VAV3: variants seen among roughly 807,000 people sequenced by gnomAD.
The protein encoded by VAV3 is guanine nucleotide exchange factor VAV3.
VAV3 carries 94 observed loss-of-function variants against 131.2 expected under a neutral mutation model. The observed-to-expected ratio is 0.72, with a 90% CI of 0.61 to 0.85. VAV3 has a LOEUF of 0.85. Among genes scored for constraint, VAV3 ranks in the 40% least tolerant of loss-of-function variants. The pLI, the probability that VAV3 is intolerant of heterozygous loss-of-function variation, is 0.00. For synonymous variants in VAV3, 349 were observed against 342.0 expected, an observed-to-expected ratio of 1.02 and a Z score of -0.22; for missense variants, 939 against 1,002.7, an observed-to-expected ratio of 0.94 and a Z score of 0.86.
At chr1:107,635,027 G>A (rs1654809339) in intron 20 of VAV3, among the ~76,000 whole-genome samples, 1 of 151,930 alleles carries the variant, frequency 6.6e-6, no homozygotes, top group East Asian at 1.9e-4. Flanking sequence ...TGGTGGGACT[G>A]TAAACTAGTT....
Position 107,575,762 on chromosome 1 carries a change from A to C in VAV3, c.2351-1564T>G, listed in dbSNP as rs1001100661. Among the ~76,000 whole-genome samples, 3 of 152,308 alleles carry C rather than the reference A, an allele frequency of 2.0e-5. No homozygotes were observed. The East Asian group carries it at 5.8e-4, about 29-fold the overall frequency. On this transcript the variant is annotated intron_variant, in intron 25 of 26. Coordinates refer to ENST00000370056, the MANE Select transcript of VAV3 (RefSeq NM_006113.5). ...ACTAGATGACTTCTAAGTTTTTTCT[A>C]GTTTTAAATTCTATGATTTTTATTG...
intron 10 of VAV3, among the ~76,000 whole-genome samples, chr1:107,757,956 C>T (rs1393743793): frequency 1.3e-5 from 2 of 152,124 alleles, no homozygotes; most frequent in Non-Finnish European, 1.5e-5. Context: ...TGTATGTGCT[C>T]AACCCAAAAT....
intron 15 of VAV3, among the ~76,000 whole-genome samples, chr1:107,732,282 C>A (rs1662292349): frequency 6.6e-6 from 1 of 152,222 alleles, no homozygotes; most frequent in East Asian, 1.9e-4. Flanking sequence ...CGGTCTGCAG[C>A]TCCCAGCGTG....
At chr1:107,663,666 C>T (rs1198888828) in intron 19 of VAV3, among the ~76,000 whole-genome samples, 2 of 152,138 alleles carry the variant, frequency 1.3e-5, no homozygotes, top group South Asian at 2.1e-4. Flanking sequence ...TAGTATTTTA[C>T]CTCCGCTGAA....
intron 2 of VAV3, among the ~76,000 whole-genome samples, chr1:107,830,758 A>C (rs1668214628): frequency 6.6e-6 from 1 of 152,220 alleles, no homozygotes; most frequent in East Asian, 1.9e-4. Flanking sequence ...AGGCAATCAC[A>C]GGGTGACAAC....
intron 1 of VAV3, among the ~76,000 whole-genome samples, chr1:107,944,188 G>A (rs1234386808): frequency 6.6e-6 from 1 of 152,146 alleles, no homozygotes; most frequent in Non-Finnish European, 1.5e-5. Flanking sequence ...ACATATATTG[G>A]AAACTGTGGC....
At chr1:107,957,307 ACCT>A (rs56738244) in intron 1 of VAV3, among the ~76,000 whole-genome samples, 4,593 of 151,786 alleles carry the variant, frequency 0.03, 230 homozygotes, top group African/African-American at 0.11. Context: ...CCCTCTATTC[ACCT>A]CCTTTCTCTG....
intron 2 of VAV3, among the ~76,000 whole-genome samples, chr1:107,797,633 G>A (rs1666610417): frequency 6.6e-6 from 1 of 152,130 alleles, no homozygotes; most frequent in South Asian, 2.1e-4. Flanking sequence ...AGACAATGGT[G>A]GAGAATGGCA....
intron 2 of VAV3, among the ~76,000 whole-genome samples, chr1:107,819,266 C>T (rs1215511308): frequency 1.3e-5 from 2 of 152,068 alleles, no homozygotes; most frequent in African/African-American, 4.8e-5. Context: ...CATATATATT[C>T]AGCTCTGGGG....
intron 2 of VAV3, among the ~76,000 whole-genome samples, chr1:107,854,082 G>T (rs1669354684): frequency 6.6e-6 from 1 of 152,212 alleles, no homozygotes; most frequent in Non-Finnish European, 1.5e-5. Flanking sequence ...GCTGACACCA[G>T]CAGATAACTT....
At chr1:107,830,139 C>G (rs1668185257) in intron 2 of VAV3, among the ~76,000 whole-genome samples, 1 of 152,038 alleles carries the variant, frequency 6.6e-6, no homozygotes, top group Non-Finnish European at 1.5e-5. Context: ...AAAACAGGTT[C>G]TAGAAACTAT....
At chr1:107,805,146 T>G (rs1284148640) in intron 2 of VAV3, among the ~76,000 whole-genome samples, 1 of 152,172 alleles carries the variant, frequency 6.6e-6, no homozygotes, top group Non-Finnish European at 1.5e-5. Context: ...AAAGCCTTAT[T>G]GGGGTTGAAT....
intron 2 of VAV3, among the ~76,000 whole-genome samples, chr1:107,834,086 T>C (rs1668372790): frequency 6.6e-6 from 1 of 152,226 alleles, no homozygotes; most frequent in Admixed American, 6.5e-5. Flanking sequence ...CCAGGTGTTT[T>C]AACTACAGTC....
intron 25 of VAV3, among the ~76,000 whole-genome samples, chr1:107,588,463 T>C (rs1296046508): frequency 2.0e-5 from 3 of 152,156 alleles, no homozygotes. Context: ...GTACCAGTAT[T>C]GGAAGTGGTA....
intron 4 of VAV3, among the ~76,000 whole-genome samples, chr1:107,773,921 C>T (rs1665191387): frequency 1.3e-5 from 2 of 152,142 alleles, no homozygotes; most frequent in Non-Finnish European, 2.9e-5. Flanking sequence ...TTCCCTGGCA[C>T]TCCTAATCCC....
At chr1:107,886,481 G>C (rs1182331279) in intron 1 of VAV3, among the ~76,000 whole-genome samples, 1 of 152,120 alleles carries the variant, frequency 6.6e-6, no homozygotes, top group East Asian at 1.9e-4. Context: ...TCCATTCTAA[G>C]GAATGCCTGG....
In VAV3 at chr1:107,594,536, A is replaced by T. The variant is rs774177648; in HGVS notation, c.2350+1676T>A. Among the ~76,000 whole-genome samples the T allele has an allele frequency of 1.8e-4, 28 of 152,150 alleles. 1 individual carries two copies. The highest frequency in any genetic ancestry group is 3.3e-4 in the Admixed American group (5 of 15,260). On this transcript the variant is annotated intron_variant, in intron 25 of 26. Transcript: ENST00000370056. ...TTTGAACTCATGAGTTTATTTGCTG[A>T]AAAATTTATCTGGGGCTAGCATGGA...
intron 8 of VAV3, 53 bp from the exon 9 acceptor site, chr1:107,765,228 G>A: frequency 7.3e-7 from 1 of 1,364,766 alleles, no homozygotes; most frequent in Middle Eastern, 1.8e-4. Context: ...AGAATGAACT[G>A]GAGGGGGAAA....
intron 15 of VAV3, among the ~76,000 whole-genome samples, chr1:107,713,205 T>C (rs1397334395): frequency 6.6e-6 from 1 of 152,164 alleles, no homozygotes; most frequent in African/African-American, 2.4e-5. Flanking sequence ...ATGTAAAATT[T>C]AGATAGGAAC....
Sources: allele counts gnomAD v4.1 joint callset (sites outside exome capture counted in the v4.1 genomes callset), GRCh38; gene constraint gnomAD v4.1.1; transcripts MANE v1.5; gene names NCBI Gene and HGNC (gene_info 2026-07-23, HGNC 2026-07-21).